Variants in DAO observed in about 807,000 individuals in gnomAD.
DAO encodes D-amino-acid oxidase.
DAO carries 51 observed loss-of-function variants against 50.1 expected under a neutral mutation model. The ratio of observed to expected loss-of-function variants is 1.02; its 90% CI spans 0.81 to 1.29. The LOEUF (loss-of-function observed/expected upper bound fraction) is 1.29. DAO is among the 50% of genes most tolerant of loss of function. DAO has a pLI of 0.00. For synonymous variants in DAO, 160 were observed against 166.2 expected, an observed-to-expected ratio of 0.96 and a Z score of 0.29; for missense variants, 436 against 439.4, an observed-to-expected ratio of 0.99 and a Z score of 0.07.
intron 9 of DAO, 88 bp from the exon 10 acceptor site, chr12:108,899,289 G>T: frequency 1.2e-6 from 1 of 845,980 alleles, no homozygotes; most frequent in South Asian, 1.4e-5. Context: ...TGGTGGTGAT[G>T]AGATTCTAAA....
In DAO at chr12:108,898,720, A is replaced by G. The variant is rs1225691614; in HGVS notation, c.737A>G (p.Asn246Ser). 5 of 1,613,864 alleles carry G rather than the reference A, an allele frequency of 3.1e-6. No individual in the cohort carries two copies. Among genetic ancestry groups the G allele is most frequent in the Non-Finnish European group, 4.2e-6 (5 of 1,179,956 alleles). Reference sequence around the variant, plus strand: ...CTTGGAGGCATCTTCCAGTTGGGAAACTGGAGTGAACTAAACAATATCCAG... The same window carrying G: ...CTTGGAGGCATCTTCCAGTTGGGAAGCTGGAGTGAACTAAACAATATCCAG... Reference protein sequence around the residue: ...VTLGGIFQLGNWSELNNIQDH... With the variant: ...VTLGGIFQLGSWSELNNIQDH... Residue 246 changes from asparagine (N) to serine (S), a missense_variant, in exon 9 of 11, where the codon AAC (asparagine) becomes AGC (serine). Physicochemically the swap from Asn to Ser is conservative, Grantham distance 46. Transcript: ENST00000228476.
chr12:108,890,965 C>T (rs769576251), intron 5 of DAO, among the ~76,000 whole-genome samples: 7 of 152,026 alleles, frequency 4.6e-5, no homozygotes, highest in African/African-American at 1.7e-4. Context: ...ACTACAGGTG[C>T]CTGCCACCAC....
rs1454811674 is a variant in DAO at position 108,882,955 on chromosome 12, G to A, written c.-9-2043G>A. ...TTGAGCCTAGGAATTGGAGGTGGCA[G>A]TGAGCTATGATTGTGCCACTGCACT... On this transcript the variant is annotated intron_variant, in intron 1 of 10. Coordinates refer to ENST00000228476, the MANE Select transcript of DAO (RefSeq NM_001917.5). Among the ~76,000 whole-genome samples the A allele has an allele frequency of 2.0e-5, 3 of 152,108 alleles. No homozygotes were observed. The South Asian group carries it at 6.2e-4, about 32-fold the overall frequency.
At chr12:108,897,269 T>G (rs1363787827) in intron 8 of DAO, among the ~76,000 whole-genome samples, 181 bp downstream of exon 8, 1 of 152,006 alleles carries the variant, frequency 6.6e-6, no homozygotes, top group Non-Finnish European at 1.5e-5. Flanking sequence ...CAGGCTGGAG[T>G]GTAATGGTGC....
chr12:108,894,922 C>T (rs1418399117), intron 7 of DAO, among the ~76,000 whole-genome samples: 1 of 152,122 alleles, frequency 6.6e-6, no homozygotes, highest in Non-Finnish European at 1.5e-5. Flanking sequence ...CACCATATTG[C>T]TCAGGCTGGT....
intron 7 of DAO, among the ~76,000 whole-genome samples, chr12:108,896,419 C>CAAAAAAAAAAAAAAAAAAAAAAAAAAA (rs386377704): frequency 2.4e-4 from 14 of 59,544 alleles, no homozygotes; most frequent in African/African-American, 8.9e-4. Flanking sequence ...GAGGCTGTCT[C>CAAAAAAAAAAAAAAAAAAAAAAAAAAA]AAAAAAAAAA....
intron 6 of DAO, among the ~76,000 whole-genome samples, chr12:108,893,285 T>TC (rs2039511656): frequency 6.6e-6 from 1 of 151,974 alleles, no homozygotes; most frequent in African/African-American, 2.4e-5. Context: ...ACTCAATGAG[T>TC]TTTGGGTCTA....
intron 1 of DAO, among the ~76,000 whole-genome samples, chr12:108,881,198 A>ACACACACACACACACACACAC (rs1555244705): frequency 2.8e-5 from 4 of 145,100 alleles, no homozygotes; most frequent in African/African-American, 7.6e-5. Flanking sequence ...ACACACACAC[A>ACACACACACACACACACACAC]AATATAATAA....
intron 7 of DAO, among the ~76,000 whole-genome samples, chr12:108,895,279 GTA>G: frequency 6.6e-6 from 1 of 151,952 alleles, no homozygotes; most frequent in Non-Finnish European, 1.5e-5. Context: ...GTGTGTGTGT[GTA>G]TGTAAGGGTA....
At chr12:108,897,885 T>C (rs1037287263) in intron 8 of DAO, among the ~76,000 whole-genome samples, 3 of 150,632 alleles carry the variant, frequency 2.0e-5, no homozygotes, top group Non-Finnish European at 2.9e-5. Flanking sequence ...AGGTTGAGGA[T>C]GCAGTGAGCC....
intron 8 of DAO, 43 bp downstream of exon 8, chr12:108,897,131 T>C: frequency 7.0e-7 from 1 of 1,434,152 alleles, no homozygotes. Context: ...GTCCCCTTCA[T>C]GCCCTCTTCA....
chr12:108,888,392 T>C (rs976277888), intron 3 of DAO, among the ~76,000 whole-genome samples: 2 of 151,656 alleles, frequency 1.3e-5, no homozygotes, highest in Non-Finnish European at 2.9e-5. Context: ...CTGGAGTGCA[T>C]TGGCATGATC....
chr12:108,883,558 G>A, intron 1 of DAO: 1 of 453,822 alleles, frequency 2.2e-6, no homozygotes, highest in South Asian at 1.6e-5. Flanking sequence ...GCCAGGCGTG[G>A]TACCAAGAAC....
chr12:108,888,909 C>T (rs10861974), intron 3 of DAO, among the ~76,000 whole-genome samples: 34,274 of 152,026 alleles, frequency 0.23, 4,727 homozygotes, highest in East Asian at 0.48. Flanking sequence ...GGTTAAAATC[C>T]CAACACCACC....
At chr12:108,881,162 T>TCACACACACACACACACACACACACACA (rs66697500) in intron 1 of DAO, among the ~76,000 whole-genome samples, 1 of 139,230 alleles carries the variant, frequency 7.2e-6, no homozygotes, top group African/African-American at 2.8e-5. Flanking sequence ...GACATTCTAA[T>TCACACACACACACACACACACACACACA]CACACACACA....
rs1266666607 is a variant in DAO, at chr12:108,900,440, A to G, written c.949A>G (p.Thr317Ala). 4 of 1,614,090 alleles carry G rather than the reference A, an allele frequency of 2.5e-6. No individual in the cohort carries two copies. The highest frequency in any genetic ancestry group is 3.4e-6 in the Non-Finnish European group (4 of 1,179,986). ...HNYGHGGYGLTIHWGCALEAA... is the reference protein window; with the variant it reads ...HNYGHGGYGLAIHWGCALEAA... ...CTATGGCCATGGAGGCTACGGGCTCACCATCCACTGGGGATGTGCCCTGGA... is the reference window on the plus strand; with the variant it reads ...CTATGGCCATGGAGGCTACGGGCTCGCCATCCACTGGGGATGTGCCCTGGA... The change falls in exon 11 of 11, where the codon ACC (threonine) becomes GCC (alanine). Residue 317 changes from threonine (T) to alanine (A), a missense_variant. Transcript: ENST00000228476.
intron 7 of DAO, among the ~76,000 whole-genome samples, chr12:108,895,909 T>C (rs2039549098): frequency 6.6e-6 from 1 of 151,858 alleles, no homozygotes; most frequent in African/African-American, 2.4e-5. Flanking sequence ...AGCATAAGTC[T>C]CAAATCATCG....
At position 108,880,111 on chromosome 12, in the gene DAO, C is replaced by A. The variant is rs780910780; in HGVS notation, c.-123C>A. 4.4e-6 allele frequency: 2 copies of A among 456,648 alleles called. No individual in the cohort carries two copies. The highest frequency in any genetic ancestry group is 3.1e-5 in the South Asian group (2 of 64,558). 28.3% of individuals were successfully genotyped at this position (456,648 alleles called of 1,614,324 possible). A position where few individuals can be genotyped will look rare whatever the true frequency, so the allele number is the denominator to read the frequency against. ...GACCCTGCACTCCAGTCCGGGCTGG[C>A]GGACAGAGGGCTGGAAACAAGACGC... On this transcript the variant is annotated 5_prime_UTR_variant, in exon 1 of 11. Coordinates refer to ENST00000228476, the MANE Select transcript of DAO (RefSeq NM_001917.5).
At chr12:108,890,787 A>G (rs2039482371) in intron 5 of DAO, among the ~76,000 whole-genome samples, 1 of 152,156 alleles carries the variant, frequency 6.6e-6, no homozygotes. Flanking sequence ...TGGTATTTAT[A>G]TTCACATACA....
Sources: gnomAD v4.1 joint callset for allele counts (sites outside exome capture counted in the v4.1 genomes callset) on GRCh38, gnomAD v4.1.1 for gene constraint, MANE v1.5 for transcripts, NCBI Gene and HGNC (gene_info 2026-07-23, HGNC 2026-07-21) for gene names.